The following RBFOX1 variants were observed in gnomAD, a reference collection of about 807,000 sequenced individuals.
RBFOX1 encodes the protein RNA binding protein fox-1 homolog 1.
Under a neutral mutation model 57.7 loss-of-function variants are expected in RBFOX1, and 8 were observed. The ratio of observed to expected loss-of-function variants is 0.14; its 90% confidence interval spans 0.08 to 0.25. The LOEUF (loss-of-function observed/expected upper bound fraction) is 0.25, where lower values mean the gene tolerates loss of function less well. Ranked by LOEUF, RBFOX1 falls within the 10% of genes least tolerant of loss-of-function variation. The probability of loss-of-function intolerance (pLI) is 1.00; values close to 1 mark genes in which losing one functional copy is unlikely to be tolerated. For synonymous variants in RBFOX1, 326 were observed against 222.4 expected (o/e 1.47, Z -4.15); for missense variants, 611 against 548.5 (o/e 1.11, Z -1.14).
In RBFOX1 at chr16:6,346,521, C is replaced by G. The variant is rs1183756802; in HGVS notation, c.-64+29464C>G. ...GAGGCAAGGCTGATCTGTAACTAAT[C>G]AAGGTGCTTCCCTACCTCACTTCTG... On this transcript the variant is annotated intron_variant, in intron 2 of 15. Coordinates refer to ENST00000550418, the MANE Select transcript of RBFOX1 (RefSeq NM_018723.4). 3.9e-5 allele frequency among the ~76,000 whole-genome samples: 6 copies of G among 152,256 alleles called. No homozygotes were observed. In the South Asian group the frequency reaches 6.2e-4, roughly 16 times the overall value.
In RBFOX1 at chr16:5,830,843, C is replaced by T. The variant is rs77995942; in HGVS notation, c.319-36460C>T. On this transcript the variant is annotated intron_variant, in intron 3 of 19. Transcript: ENST00000641259. ...CTTCAGACTGTGTTCAGGCTGTTTCCTGGCTGTTGTCTCTGCCTACCATGC... is the reference window on the plus strand; with the variant it reads ...CTTCAGACTGTGTTCAGGCTGTTTCTTGGCTGTTGTCTCTGCCTACCATGC... 9.9e-3 allele frequency among the ~76,000 whole-genome samples: 1,510 copies of T among 152,202 alleles called. 14 individuals are homozygous for T. Among genetic ancestry groups the T allele is most frequent in the Non-Finnish European group, 0.016 (1,094 of 68,018 alleles).
At chr16:7,633,689 A>T (rs1422033873) in intron 11 of RBFOX1, among the ~76,000 whole-genome samples, 1 of 152,216 alleles carries the variant, frequency 6.6e-6, no homozygotes, top group Non-Finnish European at 1.5e-5. Flanking sequence ...AGTATTTTGT[A>T]ATGGTGACCA....
chr16:6,450,148 G>T (rs935149206), intron 2 of RBFOX1, among the ~76,000 whole-genome samples: 28 of 152,114 alleles, frequency 1.8e-4, no homozygotes, highest in Non-Finnish European at 2.9e-5. Flanking sequence ...TATAAATCCT[G>T]GCTTCCCTGT....
At chr16:7,391,331 G>T (rs942187167) in intron 4 of RBFOX1, among the ~76,000 whole-genome samples, 1 of 152,170 alleles carries the variant, frequency 6.6e-6, no homozygotes, top group African/African-American at 2.4e-5. Context: ...CCCTCATGGA[G>T]GTAGAGGAAA....
intron 1 of RBFOX1, among the ~76,000 whole-genome samples, chr16:5,289,652 G>T (rs971312821): frequency 6.6e-6 from 1 of 152,204 alleles, no homozygotes; most frequent in African/African-American, 2.4e-5. Flanking sequence ...ATCACATTTA[G>T]TGTGGACCCT....
rs571084792 is a variant in RBFOX1 at position 5,507,843 on chromosome 16, G to T, written c.258+40589G>T. On this transcript the variant is annotated intron_variant, in intron 2 of 2. Coordinates refer to the RBFOX1 transcript ENST00000585867. ...CCACCAGAAGCTGGGAAGACGCAAG[G>T]AGGGTCTCTTCCTAGAGCCTTCAGA... Among the ~76,000 whole-genome samples, 3 of 152,314 alleles carry T rather than the reference G, an allele frequency of 2.0e-5. No homozygotes were observed. The East Asian group carries it at 5.8e-4, about 29-fold the overall frequency.
intron 4 of RBFOX1, among the ~76,000 whole-genome samples, chr16:7,182,490 T>C (rs918350775): frequency 1.3e-5 from 2 of 152,194 alleles, no homozygotes; most frequent in South Asian, 4.1e-4. Context: ...TCCTTGTTTT[T>C]ACCATTTTCT....
chr16:6,809,591 A>G (rs1021946757), intron 3 of RBFOX1, among the ~76,000 whole-genome samples: 21 of 152,168 alleles, frequency 1.4e-4, no homozygotes, highest in Admixed American at 3.9e-4. Context: ...CAAAAGTGCC[A>G]TAACCTTGGT....
intron 4 of RBFOX1, among the ~76,000 whole-genome samples, chr16:7,460,387 A>ATGTGTG (rs1428436633): frequency 1.9e-3 from 140 of 75,470 alleles, no homozygotes; most frequent in African/African-American, 0.012. Context: ...ATATATATAT[A>ATGTGTG]TATGTGTGTG....
chr16:5,643,147 G>A (rs2159301), intron 3 of RBFOX1, among the ~76,000 whole-genome samples: 147,454 of 152,280 alleles, frequency 0.97, 71,406 homozygotes, highest in East Asian at 1. Flanking sequence ...TAGCATTATG[G>A]TTGCCACGGT....
At chr16:7,144,386 ACTT>A (rs1180589934) in intron 4 of RBFOX1, among the ~76,000 whole-genome samples, 245 of 140,214 alleles carry the variant, frequency 1.7e-3, no homozygotes, top group African/African-American at 6.0e-3. Context: ...CCAGGTTAAA[ACTT>A]CTTCTTTTCT....
At chr16:7,136,470 A>G (rs1014475973) in intron 4 of RBFOX1, among the ~76,000 whole-genome samples, 1 of 146,892 alleles carries the variant, frequency 6.8e-6, no homozygotes, top group African/African-American at 2.6e-5. Context: ...GCAGTGGTGC[A>G]ATGATGGTGC....
At chr16:7,214,994 C>T (rs1414912187) in intron 4 of RBFOX1, among the ~76,000 whole-genome samples, 6 of 152,072 alleles carry the variant, frequency 3.9e-5, no homozygotes, top group Admixed American at 3.9e-4. Flanking sequence ...ACCTATCAAC[C>T]CATCATCTAG....
chr16:6,956,536 A>T (rs910073342), intron 3 of RBFOX1, among the ~76,000 whole-genome samples: 6 of 151,990 alleles, frequency 3.9e-5, no homozygotes, highest in African/African-American at 1.4e-4. Flanking sequence ...GAGAATTGAA[A>T]CCTAAGGGCC....
At chr16:7,072,912 G>A (rs1354586969) in intron 4 of RBFOX1, among the ~76,000 whole-genome samples, 3 of 152,190 alleles carry the variant, frequency 2.0e-5, no homozygotes, top group Admixed American at 6.5e-5. Flanking sequence ...TTGTGGAACC[G>A]GTTGCTACAG....
At chr16:5,490,010 C>T (rs1288765206) in intron 2 of RBFOX1, among the ~76,000 whole-genome samples, 2 of 152,246 alleles carry the variant, frequency 1.3e-5, no homozygotes, top group Non-Finnish European at 1.5e-5. Context: ...CTTGGTGCTG[C>T]CTGCAGGCTG....
intron 4 of RBFOX1, among the ~76,000 whole-genome samples, chr16:7,415,219 C>T (rs1249226501): frequency 6.6e-6 from 1 of 152,204 alleles, no homozygotes; most frequent in Non-Finnish European, 1.5e-5. Flanking sequence ...GAGGCAGGAA[C>T]TGAGTGTCTG....
At chr16:5,373,515 T>G (rs2065910338) in intron 1 of RBFOX1, among the ~76,000 whole-genome samples, 1 of 152,108 alleles carries the variant, frequency 6.6e-6, no homozygotes, top group Non-Finnish European at 1.5e-5. Flanking sequence ...GTTCCCTCTT[T>G]GCCTTCCACC....
At chr16:6,093,865 C>T (rs1237644469) in intron 1 of RBFOX1, among the ~76,000 whole-genome samples, 1 of 152,056 alleles carries the variant, frequency 6.6e-6, no homozygotes, top group East Asian at 1.9e-4. Context: ...AGCAATTCTC[C>T]CTCCTCCGCC....
Sources: allele counts gnomAD v4.1 joint callset (sites outside exome capture counted in the v4.1 genomes callset), GRCh38; gene constraint gnomAD v4.1.1; transcripts MANE v1.5; gene names NCBI Gene and HGNC (gene_info 2026-07-23, HGNC 2026-07-21).